The following RBBP8 variants were observed in gnomAD, a reference collection of about 807,000 sequenced individuals.
The protein encoded by RBBP8 is DNA endonuclease RBBP8.
Under a neutral mutation model 108.3 loss-of-function variants are expected in RBBP8, and 88 were observed. The observed-to-expected ratio is 0.81, with a 90% confidence interval of 0.68 to 0.97. The LOEUF is 0.97. Ranked by LOEUF, RBBP8 falls within the 50% of genes least tolerant of loss-of-function variation. The pLI is 0.00. For synonymous variants in RBBP8, 332 were observed against 348.2 expected (o/e 0.95, Z 0.52); for missense variants, 1,023 against 1,049.0 (o/e 0.98, Z 0.34).
At chr18:23,023,867 G>T (rs1417945801) in intron 18 of RBBP8, among the ~76,000 whole-genome samples, 2 of 97,402 alleles carry the variant, frequency 2.1e-5, no homozygotes, top group African/African-American at 8.3e-5. Context: ...TTATGAAGGG[G>T]CCTTTTTTTT....
Position 22,962,365 on chromosome 18 carries a change from A to G in RBBP8, c.249-6441A>G, listed in dbSNP as rs531140499. 2.0e-5 allele frequency among the ~76,000 whole-genome samples: 3 copies of G among 152,200 alleles called. No individual in the cohort carries two copies. In the South Asian group the frequency reaches 6.2e-4, roughly 32 times the overall value. ...TACTCTATCCTCATTCACCTGTAAC[A>G]GTCTCTTGCAGGTATTCTTAAAACT... On this transcript the variant is annotated intron_variant, in intron 4 of 18. Coordinates refer to ENST00000327155, the MANE Select transcript of RBBP8 (RefSeq NM_002894.3).
intron 4 of RBBP8, among the ~76,000 whole-genome samples, chr18:22,952,383 A>G (rs1912116275): frequency 1.3e-5 from 2 of 152,214 alleles, no homozygotes; most frequent in Non-Finnish European, 1.5e-5. Context: ...TTAAGGTTTC[A>G]TGAAGAATAA....
At chr18:22,963,922 T>TA (rs1286714288) in intron 4 of RBBP8, among the ~76,000 whole-genome samples, 17 of 152,026 alleles carry the variant, frequency 1.1e-4, no homozygotes, top group Admixed American at 9.8e-4. Flanking sequence ...TTGTCATGCT[T>TA]AAAAAAAATT....
chr18:23,004,239 A>C (rs751219718), intron 15 of RBBP8, among the ~76,000 whole-genome samples: 10 of 152,034 alleles, frequency 6.6e-5, no homozygotes, highest in Non-Finnish European at 1.3e-4. Flanking sequence ...GTCTACTTAC[A>C]GATAAAGAAA....
intron 4 of RBBP8, among the ~76,000 whole-genome samples, chr18:22,959,862 T>G (rs1420649608): frequency 7.0e-6 from 1 of 143,006 alleles, no homozygotes; most frequent in Non-Finnish European, 1.5e-5. Context: ...CTATATAAGA[T>G]GAACTTTCTT....
At chr18:23,022,866 A>C (rs935968999) in intron 18 of RBBP8, among the ~76,000 whole-genome samples, 5 of 150,582 alleles carry the variant, frequency 3.3e-5, no homozygotes, top group Non-Finnish European at 5.9e-5. Flanking sequence ...TGGTTTACCA[A>C]ATTTCAAAAA....
At chr18:23,014,091 C>G (rs1232432805) in intron 16 of RBBP8, among the ~76,000 whole-genome samples, 1 of 152,076 alleles carries the variant, frequency 6.6e-6, no homozygotes, top group Non-Finnish European at 1.5e-5. Flanking sequence ...CTCCGCCTCC[C>G]GAGTTCAAGT....
chr18:22,964,373 G>GTTTTTTTTTTTTTTTTTTT (rs71161350), intron 4 of RBBP8, among the ~76,000 whole-genome samples: 1 of 139,502 alleles, frequency 7.2e-6, no homozygotes, highest in Non-Finnish European at 1.5e-5. Context: ...GGAGACTTAG[G>GTTTTTTTTTTTTTTTTTTT]TTTTTTTTTT....
At chr18:22,924,204 C>CT (rs1909708180) in intron 3 of RBBP8, among the ~76,000 whole-genome samples, 1 of 136,204 alleles carries the variant, frequency 7.3e-6, no homozygotes, top group African/African-American at 2.7e-5. Context: ...TCTCAGGTCA[C>CT]TGCAACCTCT....
chr18:22,963,433 TC>T (rs1913288570), intron 4 of RBBP8, among the ~76,000 whole-genome samples: 1 of 152,206 alleles, frequency 6.6e-6, no homozygotes, highest in Admixed American at 6.5e-5. Flanking sequence ...GACCTTTTTT[TC>T]ATATGCTTAG....
In RBBP8 at chr18:22,997,601, T is replaced by G. The variant is rs755277958; in HGVS notation, c.2029-19T>G. 23 of 1,488,054 alleles carry G rather than the reference T, an allele frequency of 1.5e-5. No homozygotes were observed. Among genetic ancestry groups the G allele is most frequent in the Admixed American group, 1.2e-4 (7 of 56,014 alleles). The allele number at this position is 1,488,054 out of a possible 1,614,324, so 92.2% of individuals were successfully genotyped here. A position where few individuals can be genotyped will look rare whatever the true frequency, so the allele number is the denominator to read the frequency against. On this transcript the variant is annotated intron_variant, in intron 13 of 18. Coordinates refer to ENST00000327155, the MANE Select transcript of RBBP8 (RefSeq NM_002894.3). ...AGGAATAATTGTTAAAATTTTTGATTTTTAAAATATTTATTTAGGATGGCA... is the reference window on the plus strand; with the variant it reads ...AGGAATAATTGTTAAAATTTTTGATGTTTAAAATATTTATTTAGGATGGCA...
At chr18:23,008,130 C>T (rs972231812) in intron 16 of RBBP8, among the ~76,000 whole-genome samples, 9 of 152,144 alleles carry the variant, frequency 5.9e-5, no homozygotes, top group African/African-American at 2.2e-4. Context: ...CTTGATTTAA[C>T]CATAATGCGA....
intron 16 of RBBP8, among the ~76,000 whole-genome samples, chr18:23,016,205 G>C (rs755329462): frequency 6.6e-6 from 1 of 152,110 alleles, no homozygotes; most frequent in Non-Finnish European, 1.5e-5. Context: ...TTGGCTATTG[G>C]TATGACTTTA....
In RBBP8 at chr18:22,936,810, GA is replaced by G; in HGVS notation, c.-38del. The G allele has an allele frequency of 6.2e-7, 1 of 1,612,534 alleles. No individual in the cohort carries two copies. The highest frequency in any genetic ancestry group is 8.5e-7 in the Non-Finnish European group (1 of 1,179,042). ...CTCTATAATGTAACAGAAAAGGTCA[GA>G]AAATATTAAGCAAGTAGAAGTGTGG... On this transcript the variant is annotated 5_prime_UTR_variant, in exon 2 of 19. Coordinates refer to ENST00000327155, the MANE Select transcript of RBBP8 (RefSeq NM_002894.3).
intron 4 of RBBP8, among the ~76,000 whole-genome samples, chr18:22,956,493 A>G (rs1057326142): frequency 2.0e-5 from 3 of 152,060 alleles, no homozygotes; most frequent in African/African-American, 2.4e-5. Flanking sequence ...GCACCACGCC[A>G]TGCCTGGCTA....
chr18:22,981,388 C>G (rs1567975501), intron 6 of RBBP8, among the ~76,000 whole-genome samples: 1 of 152,116 alleles, frequency 6.6e-6, no homozygotes, highest in Admixed American at 6.6e-5. Flanking sequence ...CTATGGATAA[C>G]ACATTTGGTT....
Position 22,968,802 on chromosome 18 carries a change from A to G in RBBP8, c.249-4A>G. On this transcript the variant is annotated splice_region_variant and splice_polypyrimidine_tract_variant and intron_variant, in intron 4 of 18. Coordinates refer to ENST00000327155, the MANE Select transcript of RBBP8 (RefSeq NM_002894.3). ...GATGAAAAATACCTTGTTTTGTTTC[A>G]TAGGTTAAGAGCAGGCTTATGTGAT... The G allele has an allele frequency of 3.7e-6, 6 of 1,610,810 alleles. No individual in the cohort carries two copies. Among genetic ancestry groups the G allele is most frequent in the South Asian group, 1.1e-5 (1 of 90,982 alleles).
chr18:22,961,369 G>T (rs1478991011), intron 4 of RBBP8, among the ~76,000 whole-genome samples: 1 of 152,152 alleles, frequency 6.6e-6, no homozygotes. Flanking sequence ...GAAACTTATT[G>T]CAAGCCATGG....
In RBBP8 at chr18:22,990,980, A is replaced by G. The variant is rs1915649897; in HGVS notation, c.851A>G (p.His284Arg). Residue 284 changes from histidine (H) to arginine (R), a missense_variant, in exon 10 of 19, where the codon CAC becomes CGC. Transcript: ENST00000327155. ...AGCCCCCTTGGTGATGAGCTCTACC[A>G]CTGTCTGGAAGGAAATCACAAGAAA... ...PMSPLGDELY[H>R]CLEGNHKKQP... The G allele has an allele frequency of 2.5e-6, 4 of 1,613,888 alleles. No individual in the cohort carries two copies. Among genetic ancestry groups the G allele is most frequent in the South Asian group, 1.1e-5 (1 of 91,074 alleles).
Sources: gnomAD v4.1 joint callset for allele counts (sites outside exome capture counted in the v4.1 genomes callset) on GRCh38, gnomAD v4.1.1 for gene constraint, MANE v1.5 for transcripts, NCBI Gene and HGNC (gene_info 2026-07-23, HGNC 2026-07-21) for gene names.